Variants in LY6S observed in about 807,000 individuals in gnomAD.
The protein encoded by LY6S is lymphocyte antigen 6S.
the LY6S span, among the ~76,000 whole-genome samples, chr8:143,072,573 C>T: frequency 1.4e-5 from 2 of 144,930 alleles, no homozygotes; most frequent in East Asian, 2.1e-4. Context: ...GAGGAGACAG[C>T]CGTCGTCCTC....
At chr8:143,059,179 CCA>C in the LY6S span, among the ~76,000 whole-genome samples, 1 of 152,122 alleles carries the variant, frequency 6.6e-6, no homozygotes, top group South Asian at 2.1e-4. Flanking sequence ...CAGTCATGAG[CCA>C]CCGTATGCGG....
the LY6S span, among the ~76,000 whole-genome samples, chr8:143,065,591 C>G: frequency 1.3e-5 from 2 of 151,836 alleles, no homozygotes; most frequent in Non-Finnish European, 2.9e-5. Context: ...GGTGGATAAC[C>G]AAAGTGCTTC....
At chr8:143,059,114 G>A in the LY6S span, among the ~76,000 whole-genome samples, 6 of 151,776 alleles carry the variant, frequency 4.0e-5, no homozygotes, top group African/African-American at 7.3e-5. Context: ...CTCTTGCCTC[G>A]GCGCCTGGGT....
the LY6S span, among the ~76,000 whole-genome samples, chr8:143,070,770 C>A: frequency 1.3e-5 from 2 of 151,980 alleles, no homozygotes; most frequent in Non-Finnish European, 2.9e-5. Flanking sequence ...CAGGCGTGAG[C>A]CACCGTGCCC....
chr8:143,049,109 A>G, the LY6S span: 2 of 527,460 alleles, frequency 3.8e-6, no homozygotes, highest in Non-Finnish European at 7.8e-6. Flanking sequence ...CCCTGATTTC[A>G]TGGGGGTTCA....
the LY6S span, chr8:143,057,597 T>C: frequency 2.3e-6 from 3 of 1,299,078 alleles, no homozygotes; most frequent in East Asian, 2.3e-5. Context: ...TCATGCTGAA[T>C]GAGAGGGTCC....
the LY6S span, among the ~76,000 whole-genome samples, chr8:143,065,752 T>TTC: frequency 5.7e-5 from 6 of 105,508 alleles, no homozygotes; most frequent in Non-Finnish European, 1.1e-4. Flanking sequence ...TTCTCTTTCT[T>TTC]TCTTTCTTTC....
At chr8:143,059,317 A>G in the LY6S span, among the ~76,000 whole-genome samples, 7 of 152,130 alleles carry the variant, frequency 4.6e-5, no homozygotes, top group Non-Finnish European at 1.0e-4. Flanking sequence ...TGACTTCTAA[A>G]TGTTTTATGG....
At chr8:143,044,417 C>A in the LY6S span, among the ~76,000 whole-genome samples, 1 of 152,084 alleles carries the variant, frequency 6.6e-6, no homozygotes, top group Admixed American at 6.5e-5. Context: ...TGCTCTAGAA[C>A]CCGGAACATC....
the LY6S span, among the ~76,000 whole-genome samples, chr8:143,064,836 G>A: frequency 7.2e-5 from 11 of 152,264 alleles, no homozygotes; most frequent in South Asian, 2.1e-4. Flanking sequence ...CTGGAGTGTC[G>A]TCTGGATTTT....
the LY6S span, among the ~76,000 whole-genome samples, chr8:143,064,308 C>T: frequency 1.3e-5 from 2 of 152,204 alleles, no homozygotes; most frequent in African/African-American, 4.8e-5. Flanking sequence ...CGCCCTTCCA[C>T]TGTTAGAGCT....
chr8:143,049,259 CT>C, the LY6S span: 1 of 534,764 alleles, frequency 1.9e-6, no homozygotes, highest in Admixed American at 1.9e-5. Context: ...CTGAACACCC[CT>C]GGGATGTATC....
At chr8:143,047,270 G>T in the LY6S span, among the ~76,000 whole-genome samples, 1 of 151,708 alleles carries the variant, frequency 6.6e-6, no homozygotes, top group South Asian at 2.1e-4. Context: ...CTCCGGAGTA[G>T]CTGGGATTAC....
At chr8:143,057,422 G>C in the LY6S span, 1 of 476,858 alleles carries the variant, frequency 2.1e-6, no homozygotes, top group South Asian at 1.9e-5. Flanking sequence ...GCTACATTTT[G>C]TATTTTTAGT....
At chr8:143,073,375 G>T in the LY6S span, among the ~76,000 whole-genome samples, 1 of 147,042 alleles carries the variant, frequency 6.8e-6, no homozygotes, top group Non-Finnish European at 1.5e-5. Context: ...CGGGGCTCCT[G>T]TTTGAGAAGA....
At chr8:143,061,177 G>A in the LY6S span, among the ~76,000 whole-genome samples, 3 of 151,818 alleles carry the variant, frequency 2.0e-5, no homozygotes, top group East Asian at 5.8e-4. Flanking sequence ...TGTAATCCCA[G>A]CACTTTGAGG....
chr8:143,072,200 C>CATCATCCTCCGG, the LY6S span, among the ~76,000 whole-genome samples: 2 of 150,546 alleles, frequency 1.3e-5, no homozygotes, highest in Non-Finnish European at 2.9e-5. Flanking sequence ...AGAAGACAGC[C>CATCATCCTCCGG]GTCATTCTGG....
chr8:143,068,458 C>T, the LY6S span, among the ~76,000 whole-genome samples: 2 of 152,134 alleles, frequency 1.3e-5, no homozygotes, highest in Non-Finnish European at 2.9e-5. Context: ...TTCCCCACAA[C>T]CTGCTTCCCC....
chr8:143,042,941 G>A, the LY6S span: 2 of 1,242,100 alleles, frequency 1.6e-6, no homozygotes, highest in East Asian at 4.7e-5. Flanking sequence ...TTTAAGCAGG[G>A]ATATGTTCCC....
Sources: allele counts gnomAD v4.1 joint callset (sites outside exome capture counted in the v4.1 genomes callset), GRCh38; gene constraint gnomAD v4.1.1; transcripts MANE v1.5; gene names NCBI Gene and HGNC (gene_info 2026-07-23, HGNC 2026-07-21).